The following PTPRC variants were observed in gnomAD, a reference collection of about 807,000 sequenced individuals.
The protein encoded by PTPRC is receptor-type tyrosine-protein phosphatase C.
PTPRC carries 44 observed loss-of-function variants against 155.9 expected under a neutral mutation model. The ratio of observed to expected loss-of-function variants is 0.28; its 90% CI spans 0.22 to 0.36. PTPRC has a LOEUF of 0.36. Ranked by LOEUF, PTPRC falls within the 10% of genes least tolerant of loss-of-function variation. PTPRC has a pLI of 1.00. For synonymous variants in PTPRC, 525 were observed against 533.1 expected, an observed-to-expected ratio of 0.98 and a Z score of 0.21; for missense variants, 1,401 against 1,564.6, an observed-to-expected ratio of 0.90 and a Z score of 1.76.
chr1:198,664,909 G>C (rs913133610), intron 2 of PTPRC, among the ~76,000 whole-genome samples: 2 of 151,946 alleles, frequency 1.3e-5, no homozygotes, highest in Admixed American at 1.3e-4. Flanking sequence ...TATTAAAAAT[G>C]GCTTATGACA....
intron 3 of PTPRC, chr1:198,692,811 T>C (rs1352158457): frequency 6.6e-6 from 6 of 906,642 alleles, no homozygotes; most frequent in Non-Finnish European, 7.9e-6. Context: ...CTTTTTTCAA[T>C]GGTATGCAAA....
chr1:198,654,592 T>C (rs568513320), intron 2 of PTPRC, among the ~76,000 whole-genome samples: 2 of 151,922 alleles, frequency 1.3e-5, no homozygotes, highest in Admixed American at 1.3e-4. Context: ...TAAAATATGG[T>C]ATTTAACAAC....
chr1:198,700,394 G>A (rs1666406621), intron 5 of PTPRC, among the ~76,000 whole-genome samples: 1 of 152,158 alleles, frequency 6.6e-6, no homozygotes, highest in South Asian at 2.1e-4. Flanking sequence ...GATATAAATG[G>A]TAGACCTATG....
chr1:198,669,340 T>C (rs1017775392), intron 2 of PTPRC, among the ~76,000 whole-genome samples: 5 of 152,212 alleles, frequency 3.3e-5, no homozygotes, highest in Non-Finnish European at 7.4e-5. Context: ...CAGCCTTTTC[T>C]GGTGCCCGCA....
intron 23 of PTPRC, among the ~76,000 whole-genome samples, 174 bp from the exon 24 acceptor site, chr1:198,741,695 G>A (rs1654906946): frequency 2.0e-5 from 3 of 151,732 alleles, no homozygotes; most frequent in Admixed American, 2.0e-4. Context: ...GATTAGAAAG[G>A]AAAACACAAC....
intron 32 of PTPRC, 107 bp from the exon 33 acceptor site, chr1:198,755,799 T>C: frequency 8.1e-7 from 1 of 1,227,232 alleles, no homozygotes; most frequent in Non-Finnish European, 1.2e-6. Context: ...TTTTCTGTCA[T>C]CCAATACTTC....
At chr1:198,742,445 T>G in intron 25 of PTPRC, 78 bp downstream of exon 25, 1 of 1,565,620 alleles carries the variant, frequency 6.4e-7, no homozygotes, top group Non-Finnish European at 8.8e-7. Flanking sequence ...ATAATGATAT[T>G]TTTTAAAAAT....
At chr1:198,709,076 A>G (rs1653150588) in intron 10 of PTPRC, among the ~76,000 whole-genome samples, 1 of 152,246 alleles carries the variant, frequency 6.6e-6, no homozygotes, top group Non-Finnish European at 1.5e-5. Flanking sequence ...TGTTCTCTCT[A>G]GACAATCTAT....
At chr1:198,699,935 G>T in intron 5 of PTPRC, 1 of 617,514 alleles carries the variant, frequency 1.6e-6, no homozygotes, top group Non-Finnish European at 2.8e-6. Flanking sequence ...TGCTCAGGAG[G>T]AAAGAGTTAT....
At chr1:198,740,105 C>T (rs947197536) in intron 23 of PTPRC, among the ~76,000 whole-genome samples, 1 of 151,438 alleles carries the variant, frequency 6.6e-6, no homozygotes, top group African/African-American at 2.4e-5. Flanking sequence ...TAAGCACCTA[C>T]ATTAAAAAAG....
At chr1:198,646,059 T>C (rs76154350) in intron 2 of PTPRC, among the ~76,000 whole-genome samples, 1 of 151,816 alleles carries the variant, frequency 6.6e-6, no homozygotes, top group Admixed American at 6.6e-5. Context: ...TCAACTTTTA[T>C]GAAAACAAAT....
At chr1:198,718,017 T>G (rs761889481) in intron 13 of PTPRC, 77 bp from the exon 14 acceptor site, 22 of 1,191,420 alleles carry the variant, frequency 1.8e-5, no homozygotes, top group African/African-American at 3.0e-5. Flanking sequence ...TACTTTATAC[T>G]ATATCCAAGT....
Position 198,718,530 on chromosome 1 carries a change from A to T in PTPRC, c.1659+228A>T, listed in dbSNP as rs113503078. 3.5e-3 allele frequency among the ~76,000 whole-genome samples: 526 copies of T among 152,334 alleles called. 3 individuals carry two copies. The highest frequency in any genetic ancestry group is 0.012 in the African/African-American group (493 of 41,584). Reference sequence around the variant, plus strand: ...CATTGGAATATTTTAGAACTTCAATATGACTTAATTATAGCTAAATTATTG... The same window carrying T: ...CATTGGAATATTTTAGAACTTCAATTTGACTTAATTATAGCTAAATTATTG... On this transcript the variant is annotated intron_variant, in intron 14 of 32. Coordinates refer to ENST00000442510, the MANE Select transcript of PTPRC (RefSeq NM_002838.5).
At chr1:198,654,190 A>C (rs1474519052) in intron 2 of PTPRC, among the ~76,000 whole-genome samples, 1 of 151,926 alleles carries the variant, frequency 6.6e-6, no homozygotes, top group African/African-American at 2.4e-5. Context: ...AATGTATTAG[A>C]GCCACAGATG....
At chr1:198,652,054 T>C (rs938366600) in intron 2 of PTPRC, among the ~76,000 whole-genome samples, 1 of 151,828 alleles carries the variant, frequency 6.6e-6, no homozygotes, top group African/African-American at 2.4e-5. Context: ...AAATATGATC[T>C]ATCGGTATTT....
intron 31 of PTPRC, 37 bp from the exon 32 acceptor site, chr1:198,754,232 A>T: frequency 6.3e-7 from 1 of 1,578,240 alleles, no homozygotes; most frequent in Non-Finnish European, 8.7e-7. Context: ...TTTTGGTGAG[A>T]AGTAGGATTA....
intron 2 of PTPRC, among the ~76,000 whole-genome samples, chr1:198,649,368 G>A (rs774227563): frequency 6.6e-6 from 1 of 151,754 alleles, no homozygotes; most frequent in Non-Finnish European, 1.5e-5. Flanking sequence ...GTATGTAATG[G>A]CTAAGGAAAC....
intron 2 of PTPRC, among the ~76,000 whole-genome samples, chr1:198,690,754 C>T (rs1378177672): frequency 6.6e-6 from 1 of 152,062 alleles, no homozygotes; most frequent in Non-Finnish European, 1.5e-5. Flanking sequence ...CCCATCTGAT[C>T]TCTGATTCTC....
chr1:198,739,488 C>G (rs1654801299), intron 23 of PTPRC, among the ~76,000 whole-genome samples: 1 of 151,782 alleles, frequency 6.6e-6, no homozygotes, highest in Non-Finnish European at 1.5e-5. Context: ...CACCGATTGT[C>G]TCTACATAAT....
Sources: gnomAD v4.1 joint callset for allele counts (sites outside exome capture counted in the v4.1 genomes callset) on GRCh38, gnomAD v4.1.1 for gene constraint, MANE v1.5 for transcripts, NCBI Gene and HGNC (gene_info 2026-07-23, HGNC 2026-07-21) for gene names.